The following PAMR1 variants were observed in gnomAD, a reference collection of about 807,000 sequenced individuals.
PAMR1 encodes inactive serine protease PAMR1.
In PAMR1, 88 loss-of-function variants were observed where a neutral mutation model predicts 81.8. The observed-to-expected ratio is 1.08, with a 90% CI of 0.91 to 1.28. The LOEUF is 1.28. PAMR1 is among the 50% of genes most tolerant of loss of function. The pLI, the probability that PAMR1 is intolerant of heterozygous loss-of-function variation, is 0.00. For missense variants in PAMR1, 935 were observed against 919.7 expected (o/e 1.02, Z -0.21); for synonymous variants, 336 against 345.3 (o/e 0.97, Z 0.30).
intron 4 of PAMR1, among the ~76,000 whole-genome samples, chr11:35,472,434 TACC>T (rs1850204547): frequency 6.6e-6 from 1 of 152,238 alleles, no homozygotes; most frequent in South Asian, 2.1e-4. Flanking sequence ...GTGCCCCAGC[TACC>T]AGCTAGGCAC....
upstream of PAMR1, among the ~76,000 whole-genome samples, chr11:35,526,512 A>G (rs770228271): frequency 3.3e-5 from 5 of 152,360 alleles, no homozygotes; most frequent in Middle Eastern, 0.014. Context: ...CCTCCGTGCC[A>G]GGTGTCATGT....
intron 1 of PAMR1, among the ~76,000 whole-genome samples, chr11:35,495,290 G>GCC (rs1018581004): frequency 1.3e-5 from 2 of 151,474 alleles, no homozygotes; most frequent in African/African-American, 4.9e-5. Context: ...GAACTCATTA[G>GCC]CCCAACTTCA....
intron 1 of PAMR1, among the ~76,000 whole-genome samples, chr11:35,506,773 T>A (rs1256558130): frequency 6.6e-6 from 1 of 152,066 alleles, no homozygotes; most frequent in Non-Finnish European, 1.5e-5. Flanking sequence ...GATTAGCATG[T>A]GCCTTAGGGT....
intron 1 of PAMR1, among the ~76,000 whole-genome samples, chr11:35,516,493 C>T (rs1646016183): frequency 6.6e-6 from 1 of 152,196 alleles, no homozygotes; most frequent in Non-Finnish European, 1.5e-5. Flanking sequence ...TTTCATTCCT[C>T]ATCCATTGTC....
At chr11:35,483,693 TG>T (rs1850443565) in intron 3 of PAMR1, among the ~76,000 whole-genome samples, 5 of 152,204 alleles carry the variant, frequency 3.3e-5, no homozygotes, top group Admixed American at 3.3e-4. Context: ...ATGGTTTTAA[TG>T]AAAACTGTTA....
At chr11:35,487,370 A>G (rs649640) in intron 3 of PAMR1, among the ~76,000 whole-genome samples, 32,962 of 151,950 alleles carry the variant, frequency 0.22, 5,193 homozygotes, top group African/African-American at 0.44. Context: ...TCCTGTCCCT[A>G]TTGCCCCTCT....
chr11:35,480,580 T>C (rs566537880), intron 3 of PAMR1, among the ~76,000 whole-genome samples: 165 of 152,344 alleles, frequency 1.1e-3, no homozygotes, highest in Non-Finnish European at 1.7e-3. Context: ...ATAATGCATT[T>C]TTCAGTTCTA....
intron 1 of PAMR1, 88 bp from the exon 2 acceptor site, chr11:35,494,360 G>A (rs1351429448): frequency 3.5e-6 from 4 of 1,143,518 alleles, no homozygotes; most frequent in Non-Finnish European, 5.1e-6. Flanking sequence ...TTGAGACGGA[G>A]TCTTGCTCTG....
chr11:35,469,445 A>G (rs10836404), intron 5 of PAMR1, among the ~76,000 whole-genome samples: 103,634 of 152,068 alleles, frequency 0.68, 35,503 homozygotes, highest in African/African-American at 0.74. Context: ...CCCCACAGAC[A>G]CATCTCATGT....
In PAMR1 at chr11:35,494,228, T is replaced by C; in HGVS notation, c.118A>G (p.Ile40Val). 6.2e-7 allele frequency: 1 copy of C among 1,614,200 alleles called. No individual in the cohort carries two copies. Among genetic ancestry groups the C allele is most frequent in the Non-Finnish European group, 8.5e-7 (1 of 1,180,034 alleles). Reference protein sequence around the residue: ...NEACPGAEWNIMCRECCEYDQ... With the variant: ...NEACPGAEWNVMCRECCEYDQ... ...TATTCACAGCACTCCCGACACATGA[T>C]ATTCCACTCTGCTCCAGGGCAGGCT... is the stretch of plus-strand genomic sequence containing the variant. The change falls in exon 2 of 11, where the codon ATC (isoleucine) becomes GTC (valine). Residue 40 changes from isoleucine (I) to valine (V), a missense_variant. By Grantham distance (29) the Ile-to-Val change is conservative (BLOSUM62 3). Coordinates refer to ENST00000619888, the MANE Select transcript of PAMR1 (RefSeq NM_001001991.3).
chr11:35,516,089 T>C (rs781431309), intron 1 of PAMR1, among the ~76,000 whole-genome samples: 15 of 152,216 alleles, frequency 9.9e-5, no homozygotes, highest in Non-Finnish European at 2.1e-4. Context: ...GTATGTTAAA[T>C]GGATTATCTC....
intron 4 of PAMR1, among the ~76,000 whole-genome samples, chr11:35,473,143 G>A (rs970401895): frequency 2.0e-5 from 3 of 152,168 alleles, no homozygotes; most frequent in African/African-American, 7.2e-5. Flanking sequence ...CTGGTGGTAG[G>A]TGATGGAAAA....
intron 1 of PAMR1, among the ~76,000 whole-genome samples, chr11:35,515,616 G>T (rs1405912199): frequency 6.6e-6 from 1 of 152,170 alleles, no homozygotes; most frequent in Non-Finnish European, 1.5e-5. Context: ...GGGGGCCTCA[G>T]TGTTTGGGGT....
At chr11:35,524,311 A>G (rs75257034) in intron 1 of PAMR1, among the ~76,000 whole-genome samples, 5,132 of 152,296 alleles carry the variant, frequency 0.034, 125 homozygotes, top group Middle Eastern at 0.085. Context: ...GGAAGATCCT[A>G]CCTGGGCAGG....
chr11:35,487,582 A>G (rs1850534730), intron 3 of PAMR1, among the ~76,000 whole-genome samples: 1 of 152,212 alleles, frequency 6.6e-6, no homozygotes. Flanking sequence ...TCGCTTGGAT[A>G]TGCTTTAAGC....
rs1196178228 is a variant in PAMR1, at chr11:35,432,407, G to A, written c.2112C>T (p.Ala704=). The A allele has an allele frequency of 1.2e-6, 2 of 1,613,974 alleles. No individual in the cohort carries two copies. The highest frequency in any genetic ancestry group is 1.6e-4 in the Middle Eastern group (1 of 6,062). ...DKTCSHRLST[A]FTKVLPFKDW... is the part of the protein sequence containing the mutation. ...CTTTAAAAGGCAGCACCTTGGTGAA[G>A]GCAGTGGAGAGCCTGTGGCTGCATG... is the stretch of plus-strand genomic sequence containing the variant. The change falls in exon 11 of 11, where the codon GCC becomes GCT. Residue 704 remains alanine, a synonymous_variant. Coordinates refer to ENST00000619888, the MANE Select transcript of PAMR1 (RefSeq NM_001001991.3).
intron 1 of PAMR1, among the ~76,000 whole-genome samples, chr11:35,495,943 T>C (rs1850720664): frequency 6.6e-6 from 1 of 152,240 alleles, no homozygotes; most frequent in African/African-American, 2.4e-5. Flanking sequence ...CACAAATTAG[T>C]GGGCCAGAAA....
intron 3 of PAMR1, among the ~76,000 whole-genome samples, chr11:35,485,872 C>T (rs1224000987): frequency 1.3e-5 from 2 of 152,192 alleles, no homozygotes; most frequent in Admixed American, 1.3e-4. Context: ...CTGAAAGGAT[C>T]GCTTGGGCGC....
chr11:35,525,055 G>C (rs186123768), intron 1 of PAMR1, among the ~76,000 whole-genome samples: 13 of 151,920 alleles, frequency 8.6e-5, no homozygotes, highest in Admixed American at 3.3e-4. Context: ...TTCACCAGAA[G>C]AACACCAAGC....
Sources: allele counts gnomAD v4.1 joint callset (sites outside exome capture counted in the v4.1 genomes callset), GRCh38; gene constraint gnomAD v4.1.1; transcripts MANE v1.5; gene names NCBI Gene and HGNC (gene_info 2026-07-23, HGNC 2026-07-21).